The following INTS7 variants were observed in gnomAD, a reference collection of about 807,000 sequenced individuals.
INTS7 encodes integrator complex subunit 7.
A neutral mutation model predicts 109.2 loss-of-function variants in INTS7; 46 were observed. That is an observed-to-expected ratio of 0.42 (90% confidence interval 0.33 to 0.54). The LOEUF (loss-of-function observed/expected upper bound fraction) is 0.54. Ranked by LOEUF, INTS7 falls within the 20% of genes least tolerant of loss-of-function variation. INTS7 has a pLI of 0.07. For synonymous variants in INTS7, 412 were observed against 402.9 expected (o/e 1.02, Z -0.27); for missense variants, 929 against 1,132.4 (o/e 0.82, Z 2.58).
At chr1:211,976,446 C>T (rs762914746) in intron 12 of INTS7, 136 bp downstream of exon 12, 8 of 723,376 alleles carry the variant, frequency 1.1e-5, no homozygotes, top group Non-Finnish European at 1.8e-5. Context: ...CCTTTCCTTC[C>T]TCATCTTCAG....
chr1:211,943,901 A>C lies in INTS7; in HGVS notation c.2601+883T>G, dbSNP rs1487256690. On this transcript the variant is annotated intron_variant, in intron 19 of 19. Coordinates refer to ENST00000366994, the MANE Select transcript of INTS7 (RefSeq NM_015434.4). ...TGGTCCCTTGCTTCATTTACTGTGG[A>C]TAAACCACCAGGGAATCGGAAATAA... Among the ~76,000 whole-genome samples the C allele has an allele frequency of 5.3e-5, 8 of 152,322 alleles. No homozygotes were observed. In the East Asian group the frequency reaches 1.5e-3, roughly 29 times the overall value.
chr1:211,952,655 A>G lies in INTS7; in HGVS notation c.2230T>C (p.Tyr744His), dbSNP rs1485932142. The change falls in exon 17 of 20, where the codon TAT (tyrosine) becomes CAT (histidine). Residue 744 changes from tyrosine to histidine, a missense_variant. Tyr to His is a moderately conservative substitution (Grantham distance 83). This residue lies in a region of INTS7 where 787 missense variants were observed against 901.1 expected (regional missense o/e 0.87). Coordinates refer to ENST00000366994, the MANE Select transcript of INTS7 (RefSeq NM_015434.4). ...STGTAHADSE[Y>H]ERRMMSVYNH... Reference sequence around the variant, plus strand: ...TATACAGACATCATTCTTCTTTCATATTCACTATCAGCATGGGCTGTTCCA... The same window carrying G: ...TATACAGACATCATTCTTCTTTCATGTTCACTATCAGCATGGGCTGTTCCA... 6.2e-7 allele frequency: 1 copy of G among 1,612,904 alleles called. No homozygotes were observed. Among genetic ancestry groups the G allele is most frequent in the South Asian group, 1.1e-5 (1 of 91,044 alleles).
chr1:211,986,936 A>G (rs1664919394), intron 8 of INTS7, among the ~76,000 whole-genome samples: 1 of 152,210 alleles, frequency 6.6e-6, no homozygotes, highest in African/African-American at 2.4e-5. Context: ...TGTACATTAC[A>G]GTTCTTTAAT....
intron 3 of INTS7, 57 bp from the exon 4 acceptor site, chr1:212,017,080 A>G: frequency 6.9e-7 from 1 of 1,443,462 alleles, no homozygotes; most frequent in Admixed American, 2.5e-5. Context: ...AAGGTCAGAA[A>G]AGTAAGAGGC....
chr1:211,953,886 C>T (rs1663234989), intron 16 of INTS7, among the ~76,000 whole-genome samples: 1 of 152,096 alleles, frequency 6.6e-6, no homozygotes, highest in Non-Finnish European at 1.5e-5. Flanking sequence ...TTTATAGCAG[C>T]ATGATTTATA....
chr1:212,035,315 T>C (rs1053111472), intron 1 of INTS7, 29 bp downstream of exon 1: 1 of 1,467,486 alleles, frequency 6.8e-7, no homozygotes, highest in East Asian at 2.3e-5. Flanking sequence ...CACGCCTGTT[T>C]CACCCATTCA....
At chr1:212,022,030 G>T (rs1666733661) in intron 1 of INTS7, among the ~76,000 whole-genome samples, 1 of 151,930 alleles carries the variant, frequency 6.6e-6, no homozygotes, top group Admixed American at 6.6e-5. Flanking sequence ...TCAAATCAAT[G>T]ATCTAACACA....
intron 1 of INTS7, among the ~76,000 whole-genome samples, chr1:212,034,794 T>C (rs1303475514): frequency 6.9e-6 from 1 of 144,346 alleles, no homozygotes; most frequent in East Asian, 1.9e-4. Context: ...AAGCTCCCTC[T>C]ACACCAAGCT....
chr1:211,985,944 T>G (rs560702071), intron 8 of INTS7, among the ~76,000 whole-genome samples: 1 of 152,276 alleles, frequency 6.6e-6, no homozygotes, highest in South Asian at 2.1e-4. Flanking sequence ...GAAAGCACCC[T>G]AGGTATATGG....
intron 4 of INTS7, 188 bp from the exon 5 acceptor site, chr1:212,011,609 C>G (rs911996802): frequency 3.5e-6 from 2 of 576,710 alleles, no homozygotes; most frequent in Non-Finnish European, 3.1e-6. Context: ...AACTCCAGCA[C>G]CAAATGGGCT....
Position 211,944,975 on chromosome 1 carries a change from A to G in INTS7, c.2416-6T>C, listed in dbSNP as rs770352767. 21 of 1,612,372 alleles carry G rather than the reference A, an allele frequency of 1.3e-5. No individual in the cohort carries two copies. In the Admixed American group the frequency reaches 3.5e-4, roughly 27 times the overall value. On this transcript the variant is annotated splice_region_variant and splice_polypyrimidine_tract_variant and intron_variant, in intron 18 of 19. Coordinates refer to ENST00000366994, the MANE Select transcript of INTS7 (RefSeq NM_015434.4). ...GGCGATGGTGACAGAGCAAGCTGGA[A>G]TGCCAACACTCAAATAAATGCCAAC...
intron 10 of INTS7, among the ~76,000 whole-genome samples, chr1:211,979,707 C>T (rs1664568946): frequency 6.6e-6 from 1 of 152,168 alleles, no homozygotes; most frequent in African/African-American, 2.4e-5. Context: ...ACCATTCTTC[C>T]ACCACAACAG....
intron 16 of INTS7, among the ~76,000 whole-genome samples, chr1:211,963,371 C>G (rs1204023884): frequency 6.6e-6 from 1 of 151,884 alleles, no homozygotes; most frequent in East Asian, 1.9e-4. Flanking sequence ...AAAAAAAAAG[C>G]CCAGGACAAG....
At chr1:211,951,362 G>A (rs562461135) in intron 17 of INTS7, among the ~76,000 whole-genome samples, 1 of 152,212 alleles carries the variant, frequency 6.6e-6, no homozygotes, top group East Asian at 1.9e-4. Context: ...GGGCTGGAGT[G>A]CAGTGGCGCT....
intron 19 of INTS7, among the ~76,000 whole-genome samples, chr1:211,943,443 G>C (rs1662717233): frequency 6.6e-6 from 1 of 152,064 alleles, no homozygotes; most frequent in Non-Finnish European, 1.5e-5. Flanking sequence ...TGCAGACAGG[G>C]ATAAATTATG....
chr1:211,970,116 TG>T (rs1216266860), intron 13 of INTS7, among the ~76,000 whole-genome samples: 1 of 152,088 alleles, frequency 6.6e-6, no homozygotes, highest in African/African-American at 2.4e-5. Flanking sequence ...AAATAATTCC[TG>T]AGTAGACACT....
intron 13 of INTS7, 65 bp from the exon 14 acceptor site, chr1:211,968,772 C>G: frequency 7.8e-7 from 1 of 1,285,152 alleles, no homozygotes; most frequent in East Asian, 2.4e-5. Flanking sequence ...TGGGGCAGTA[C>G]CAAGTATTTA....
chr1:211,961,003 A>G (rs1663600444), intron 16 of INTS7, among the ~76,000 whole-genome samples: 1 of 151,782 alleles, frequency 6.6e-6, no homozygotes, highest in Non-Finnish European at 1.5e-5. Flanking sequence ...CAACAGTGAG[A>G]CTCTGTCTCA....
chr1:211,975,031 G>C, intron 13 of INTS7, 135 bp downstream of exon 13: 1 of 641,854 alleles, frequency 1.6e-6, no homozygotes, highest in Non-Finnish European at 2.8e-6. Flanking sequence ...AGGGGAAAAG[G>C]TTAAGGGTTT....
Sources: allele counts gnomAD v4.1 joint callset (sites outside exome capture counted in the v4.1 genomes callset), GRCh38; gene constraint gnomAD v4.1.1; regional missense constraint gnomAD v4.1.1; transcripts MANE v1.5; gene names NCBI Gene and HGNC (gene_info 2026-07-23, HGNC 2026-07-21).